The following KIAA2012 variants were observed in gnomAD, a reference collection of about 807,000 sequenced individuals.
KIAA2012 encodes KIAA2012, also known as uncharacterized protein KIAA2012.
In KIAA2012, 125 loss-of-function variants were observed where a neutral mutation model predicts 150.6. The observed-to-expected ratio is 0.83, with a 90% CI of 0.72 to 0.96. The LOEUF is 0.96. Ranked by LOEUF, KIAA2012 falls within the 40% of genes least tolerant of loss-of-function variation. The probability of loss-of-function intolerance (pLI) is 0.00; values close to 1 mark genes in which losing one functional copy is unlikely to be tolerated. For synonymous variants in KIAA2012, 462 were observed against 504.7 expected, an observed-to-expected ratio of 0.92 and a Z score of 1.13; for missense variants, 1,219 against 1,354.9, an observed-to-expected ratio of 0.90 and a Z score of 1.57.
chr2:202,076,161 T>C (rs1689319714), intron 2 of KIAA2012, among the ~76,000 whole-genome samples: 1 of 152,198 alleles, frequency 6.6e-6, no homozygotes. Flanking sequence ...CAGAGATAGC[T>C]CATGCCTCCC....
intron 11 of KIAA2012, among the ~76,000 whole-genome samples, chr2:202,122,311 G>A (rs762825410): frequency 6.6e-6 from 1 of 152,206 alleles, no homozygotes. Flanking sequence ...GACAACACTG[G>A]GTGAGGGCCC....
At chr2:202,077,744 G>A (rs1337315805) in intron 2 of KIAA2012, among the ~76,000 whole-genome samples, 1 of 152,166 alleles carries the variant, frequency 6.6e-6, no homozygotes, top group Non-Finnish European at 1.5e-5. Flanking sequence ...ACAGAGGCAG[G>A]AGAATTGCTT....
At chr2:202,151,199 C>A (rs1169850083) in intron 13 of KIAA2012, among the ~76,000 whole-genome samples, 1 of 152,040 alleles carries the variant, frequency 6.6e-6, no homozygotes, top group Admixed American at 6.6e-5. Context: ...GAGTTCGAGA[C>A]CAGCCTGGCC....
chr2:202,137,315 CTTTTT>C (rs11336637), intron 12 of KIAA2012: 13 of 122,116 alleles, frequency 1.1e-4, no homozygotes, highest in Admixed American at 7.6e-4. Context: ...ATTAAAGTTA[CTTTTT>C]TTTTTTTTTT....
intron 15 of KIAA2012, among the ~76,000 whole-genome samples, chr2:202,174,618 C>A (rs940165614): frequency 6.6e-6 from 1 of 152,144 alleles, no homozygotes; most frequent in African/African-American, 2.4e-5. Context: ...AAACTGCAAA[C>A]ATACACAGAA....
chr2:202,169,203 T>TA (rs527754107), intron 15 of KIAA2012, among the ~76,000 whole-genome samples: 387 of 152,326 alleles, frequency 2.5e-3, no homozygotes, highest in Non-Finnish European at 4.4e-3. Flanking sequence ...TCAGGCCTGG[T>TA]AAATGTTTCC....
chr2:202,171,224 C>T (rs1263797743), intron 15 of KIAA2012, among the ~76,000 whole-genome samples: 3 of 151,216 alleles, frequency 2.0e-5, no homozygotes, highest in Non-Finnish European at 4.4e-5. Context: ...CACACACACA[C>T]CCCAACTAGA....
Position 202,077,741 on chromosome 2 carries a change from C to A in KIAA2012, c.369+2566C>A, listed in dbSNP as rs545768087. The stretch of plus-strand genomic sequence containing the variant: ...AATCCAGCACTTTGGGAAACAGAGG[C>A]AGGAGAATTGCTTGAGCCCAGGAGT... On this transcript the variant is annotated intron_variant, in intron 2 of 23. Coordinates refer to ENST00000498697, the MANE Select transcript of KIAA2012 (RefSeq NM_001277372.4). Among the ~76,000 whole-genome samples the A allele has an allele frequency of 5.3e-5, 8 of 152,202 alleles. No individual in the cohort carries two copies. In the South Asian group the frequency reaches 1.2e-3, roughly 24 times the overall value.
At chr2:202,110,692 C>T (rs911498370) in intron 10 of KIAA2012, among the ~76,000 whole-genome samples, 1 of 152,190 alleles carries the variant, frequency 6.6e-6, no homozygotes, top group African/African-American at 2.4e-5. Flanking sequence ...AGAGCCATCA[C>T]AGAGGCAACA....
intron 22 of KIAA2012, among the ~76,000 whole-genome samples, chr2:202,200,045 C>G (rs1391171408): frequency 6.7e-6 from 1 of 149,440 alleles, no homozygotes; most frequent in African/African-American, 2.5e-5. Context: ...ATTCTCCTGC[C>G]TCAGTTTCCT....
At chr2:202,160,073 T>C (rs1691616996) in intron 14 of KIAA2012, among the ~76,000 whole-genome samples, 1 of 152,030 alleles carries the variant, frequency 6.6e-6, no homozygotes, top group African/African-American at 2.4e-5. Context: ...ACTGTGCAGA[T>C]GAGGAAACCG....
chr2:202,183,181 A>T (rs905643386), intron 15 of KIAA2012, among the ~76,000 whole-genome samples: 1 of 152,086 alleles, frequency 6.6e-6, no homozygotes, highest in African/African-American at 2.4e-5. Flanking sequence ...GCACTTTTGG[A>T]AGCTGAGGCG....
chr2:202,160,369 AG>A (rs1003049110), intron 14 of KIAA2012, among the ~76,000 whole-genome samples: 8 of 137,634 alleles, frequency 5.8e-5, no homozygotes, highest in Middle Eastern at 4.2e-3. Flanking sequence ...GCTAGAGTTC[AG>A]TGGCGTGATC....
intron 19 of KIAA2012, among the ~76,000 whole-genome samples, 170 bp from the exon 20 acceptor site, chr2:202,193,131 C>T (rs1692351225): frequency 6.6e-6 from 1 of 152,160 alleles, no homozygotes; most frequent in South Asian, 2.1e-4. Flanking sequence ...GTTAATCAGA[C>T]CCAAAAGTCC....
intron 12 of KIAA2012, among the ~76,000 whole-genome samples, chr2:202,133,016 A>G (rs1055460247): frequency 2.1e-5 from 3 of 142,312 alleles, no homozygotes; most frequent in African/African-American, 7.8e-5. Flanking sequence ...GAGGTGGAAG[A>G]ATGGCGTGAA....
intron 4 of KIAA2012, among the ~76,000 whole-genome samples, chr2:202,093,860 C>T (rs1183436986): frequency 6.6e-6 from 1 of 152,094 alleles, no homozygotes; most frequent in African/African-American, 2.4e-5. Flanking sequence ...GAACTTGAAG[C>T]ATTAAAAGAG....
chr2:202,093,506 G>C (rs1344358147), intron 4 of KIAA2012, among the ~76,000 whole-genome samples: 1 of 152,142 alleles, frequency 6.6e-6, no homozygotes, highest in Admixed American at 6.5e-5. Flanking sequence ...CATGCAGCTG[G>C]TGGCTACTGT....
intron 11 of KIAA2012, among the ~76,000 whole-genome samples, chr2:202,121,960 G>A (rs373468482): frequency 2.0e-5 from 3 of 152,206 alleles, no homozygotes; most frequent in African/African-American, 7.2e-5. Context: ...TTTGAGAAAC[G>A]AGAAGTAGAT....
chr2:202,082,910 G>T (rs535767982), intron 2 of KIAA2012, among the ~76,000 whole-genome samples: 79 of 149,172 alleles, frequency 5.3e-4, no homozygotes, highest in African/African-American at 1.9e-3. Context: ...GACAGATAAA[G>T]AAACTGAGGC....
Sources: allele counts gnomAD v4.1 joint callset (sites outside exome capture counted in the v4.1 genomes callset), GRCh38; gene constraint gnomAD v4.1.1; transcripts MANE v1.5; gene names NCBI Gene and HGNC (gene_info 2026-07-23, HGNC 2026-07-21).